GABRB3: variants seen among roughly 807,000 people sequenced by gnomAD.
GABRB3 encodes the protein gamma-aminobutyric acid receptor subunit beta-3.
Under a neutral mutation model 52.1 loss-of-function variants are expected in GABRB3, and 14 were observed. That is an observed-to-expected ratio of 0.27 (90% confidence interval 0.18 to 0.42). GABRB3 has a LOEUF of 0.42. Among genes scored for constraint, GABRB3 ranks in the 10% least tolerant of loss-of-function variants. The probability of loss-of-function intolerance (pLI) is 1.00; values close to 1 mark genes in which losing one functional copy is unlikely to be tolerated. For missense variants in GABRB3, 307 were observed against 609.1 expected (o/e 0.50, Z 5.22); for synonymous variants, 260 against 232.3 (o/e 1.12, Z -1.08).
At chr15:26,723,278 A>G (rs1209640732) in intron 3 of GABRB3, among the ~76,000 whole-genome samples, 1 of 152,224 alleles carries the variant, frequency 6.6e-6, no homozygotes, top group African/African-American at 2.4e-5. Context: ...CCATCTTTTA[A>G]CTTTTCCTAT....
At chr15:26,569,154 T>A (rs1237124053) in intron 6 of GABRB3, among the ~76,000 whole-genome samples, 1 of 152,222 alleles carries the variant, frequency 6.6e-6, no homozygotes, top group African/African-American at 2.4e-5. Flanking sequence ...CCTTTCTGTG[T>A]CTGTCCCTAG....
At chr15:26,676,507 C>T (rs1888074177) in intron 3 of GABRB3, among the ~76,000 whole-genome samples, 1 of 152,194 alleles carries the variant, frequency 6.6e-6, no homozygotes, top group Non-Finnish European at 1.5e-5. Context: ...CACATATACA[C>T]ACACAGGTGC....
rs1279851816 is a variant in GABRB3 at position 26,716,938 on chromosome 15, C to G, written c.240+55464G>C. Among the ~76,000 whole-genome samples the G allele has an allele frequency of 4.4e-4, 56 of 128,452 alleles. 6 individuals are homozygous for G. The highest frequency in any genetic ancestry group is 7.0e-4 in the Non-Finnish European group (42 of 60,292). The allele number at this position is 128,452 out of a possible 152,430, so 84.3% of individuals were successfully genotyped here. A position where few individuals can be genotyped will look rare whatever the true frequency, so the allele number is the denominator to read the frequency against. Reference sequence around the variant, plus strand: ...CTAGCTCTGGGGACCTCCACCCAACCACAGCCCAGCTCTGAGGACCTCCAC... The same window carrying G: ...CTAGCTCTGGGGACCTCCACCCAACGACAGCCCAGCTCTGAGGACCTCCAC... On this transcript the variant is annotated intron_variant, in intron 3 of 8. Coordinates refer to ENST00000311550, the MANE Select transcript of GABRB3 (RefSeq NM_000814.6).
chr15:26,685,907 T>C (rs6576592), intron 3 of GABRB3, among the ~76,000 whole-genome samples: 141,356 of 151,678 alleles, frequency 0.93, 66,320 homozygotes, highest in Non-Finnish European at 0.99. Context: ...TGGGTTCAGG[T>C]GTTCCTCCCA....
In GABRB3 at chr15:26,755,418, C is replaced by G. The variant is rs376364661; in HGVS notation, c.240+16984G>C. Among the ~76,000 whole-genome samples, 10 of 152,240 alleles carry G rather than the reference C, an allele frequency of 6.6e-5. No homozygotes were observed. The South Asian group carries it at 1.0e-3, about 16-fold the overall frequency. ...ATTAGTCTGAATGACTAAACCAAAA[C>G]AATGACTTGAACATGTGTATTCTAT... On this transcript the variant is annotated intron_variant, in intron 3 of 8. Coordinates refer to ENST00000311550, the MANE Select transcript of GABRB3 (RefSeq NM_000814.6).
chr15:26,758,369 C>T (rs1204928023), intron 3 of GABRB3, among the ~76,000 whole-genome samples: 1 of 151,426 alleles, frequency 6.6e-6, no homozygotes, highest in Non-Finnish European at 1.5e-5. Context: ...ATTCCATCTG[C>T]TTTCCTCTGA....
intron 3 of GABRB3, among the ~76,000 whole-genome samples, chr15:26,683,544 C>A (rs1236416137): frequency 2.0e-5 from 3 of 152,130 alleles, no homozygotes; most frequent in Non-Finnish European, 4.4e-5. Flanking sequence ...TTCCATTGAC[C>A]TCTAGGTGCA....
intron 3 of GABRB3, among the ~76,000 whole-genome samples, chr15:26,622,467 T>G (rs544621472): frequency 6.6e-6 from 1 of 152,338 alleles, no homozygotes; most frequent in Admixed American, 6.5e-5. Flanking sequence ...TGTGGAAAGA[T>G]ACAAGCTGAA....
At chr15:26,682,116 A>G (rs1025688868) in intron 3 of GABRB3, among the ~76,000 whole-genome samples, 1 of 152,260 alleles carries the variant, frequency 6.6e-6, no homozygotes, top group East Asian at 1.9e-4. Flanking sequence ...TTGTCCTTAT[A>G]AGACCTGGTG....
intron 8 of GABRB3, among the ~76,000 whole-genome samples, chr15:26,554,063 AAAGTGTG>A (rs1889607750): frequency 2.4e-4 from 27 of 112,766 alleles, no homozygotes; most frequent in Non-Finnish European, 3.7e-4. Context: ...ATTTATATAT[AAAGTGTG>A]TATATATATA....
At chr15:26,647,911 CAACT>C (rs1887060435) in intron 3 of GABRB3, among the ~76,000 whole-genome samples, 1 of 152,182 alleles carries the variant, frequency 6.6e-6, no homozygotes, top group South Asian at 2.1e-4. Context: ...AAAACGGAGA[CAACT>C]AACGGGTTAC....
At chr15:26,656,763 T>C (rs1432456456) in intron 3 of GABRB3, among the ~76,000 whole-genome samples, 1 of 152,110 alleles carries the variant, frequency 6.6e-6, no homozygotes, top group Non-Finnish European at 1.5e-5. Flanking sequence ...CCTCCCCCAA[T>C]CGCCCATCTG....
intron 4 of GABRB3, among the ~76,000 whole-genome samples, chr15:26,590,978 C>T (rs913911229): frequency 2.0e-5 from 3 of 152,182 alleles, no homozygotes; most frequent in Admixed American, 1.3e-4. Flanking sequence ...TCTGCTTCTT[C>T]CTCTGCTGTG....
chr15:26,743,179 C>T (rs1595338002), intron 3 of GABRB3, among the ~76,000 whole-genome samples: 1 of 152,114 alleles, frequency 6.6e-6, no homozygotes, highest in Non-Finnish European at 1.5e-5. Context: ...CCACCTGCCT[C>T]GGCCTCCCAA....
chr15:26,623,965 C>A (rs1313527187), intron 3 of GABRB3, among the ~76,000 whole-genome samples: 1 of 152,140 alleles, frequency 6.6e-6, no homozygotes, highest in South Asian at 2.1e-4. Flanking sequence ...GTCGGCCTTG[C>A]CTGACCTAAA....
intron 3 of GABRB3, among the ~76,000 whole-genome samples, chr15:26,699,607 C>T (rs1439912095): frequency 6.6e-6 from 1 of 151,342 alleles, no homozygotes; most frequent in African/African-American, 2.4e-5. Context: ...AAAGATAACA[C>T]AAAAGACTAA....
intron 3 of GABRB3, among the ~76,000 whole-genome samples, chr15:26,748,656 T>C (rs1595342712): frequency 6.6e-6 from 1 of 152,232 alleles, no homozygotes; most frequent in Non-Finnish European, 1.5e-5. Context: ...AAAATTTTTA[T>C]TTGATTAACT....
chr15:26,572,827 G>A (rs1890456577), intron 6 of GABRB3, among the ~76,000 whole-genome samples: 2 of 152,188 alleles, frequency 1.3e-5, no homozygotes, highest in Non-Finnish European at 2.9e-5. Flanking sequence ...AACAGACAGA[G>A]GCACAGTCCC....
At chr15:26,761,321 G>A (rs972608574) in intron 3 of GABRB3, among the ~76,000 whole-genome samples, 7 of 151,856 alleles carry the variant, frequency 4.6e-5, no homozygotes, top group Non-Finnish European at 1.0e-4. Context: ...CTTGAACCCG[G>A]GAGTCTGAGG....
Sources: allele counts gnomAD v4.1 joint callset (sites outside exome capture counted in the v4.1 genomes callset), GRCh38; gene constraint gnomAD v4.1.1; transcripts MANE v1.5; gene names NCBI Gene and HGNC (gene_info 2026-07-23, HGNC 2026-07-21).